USP2: variants seen among roughly 807,000 people sequenced by gnomAD.
USP2 encodes the protein ubiquitin specific peptidase 2.
In USP2, 33 loss-of-function variants were observed where a neutral mutation model predicts 72.0. The ratio of observed to expected loss-of-function variants is 0.46; its 90% CI spans 0.35 to 0.61. The LOEUF is 0.61. Among genes scored for constraint, USP2 ranks in the 20% least tolerant of loss-of-function variants. The probability of loss-of-function intolerance (pLI) is 0.01; values close to 1 mark genes in which losing one functional copy is unlikely to be tolerated. For missense variants in USP2, 691 were observed against 797.8 expected (o/e 0.87, Z 1.61); for synonymous variants, 296 against 312.5 (o/e 0.95, Z 0.56).
Position 119,357,588 on chromosome 11 carries a change from G to A in USP2, c.1504C>T (p.Leu502=). The A allele has an allele frequency of 1.2e-6, 2 of 1,614,172 alleles. No homozygotes were observed. The highest frequency in any genetic ancestry group is 2.2e-5 in the East Asian group (1 of 44,884). Residue 502 remains leucine, a splice_region_variant and synonymous_variant, in exon 11 of 13, where the codon CTG becomes TTG. Coordinates refer to ENST00000260187, the MANE Select transcript of USP2 (RefSeq NM_004205.5). ...ATCCTGGATTCTGAGAACCGCTTCA[G>A]ATCTGGCATTGACGTGAGTCAAGGA... is the stretch of plus-strand genomic sequence containing the variant. ...QRFPKILVLH[L]KRFSESRIRT...
chr11:119,373,520 G>T lies in USP2; in HGVS notation c.-40C>A, dbSNP rs763301215. On this transcript the variant is annotated splice_region_variant and 5_prime_UTR_variant, in exon 2 of 13. Transcript: ENST00000260187. ...CTCAGTGGGGACTGGGAGCCTCATGGGCTGAAAGACAAGGAGTGTAGTTGT... is the reference window on the plus strand; with the variant it reads ...CTCAGTGGGGACTGGGAGCCTCATGTGCTGAAAGACAAGGAGTGTAGTTGT... The T allele has an allele frequency of 6.5e-7, 1 of 1,530,368 alleles. No homozygotes were observed. The highest frequency in any genetic ancestry group is 2.3e-5 in the East Asian group (1 of 44,204). 94.8% of individuals were successfully genotyped at this position (1,530,368 alleles called of 1,614,324 possible).
intron 2 of USP2, chr11:119,364,160 G>C: frequency 8.3e-7 from 1 of 1,205,456 alleles, no homozygotes; most frequent in Non-Finnish European, 1.0e-6. Flanking sequence ...AACCTCCCCG[G>C]CGTGCGCCGC....
chr11:119,364,305 G>A, intron 2 of USP2: 1 of 524,044 alleles, frequency 1.9e-6, no homozygotes. Context: ...CGCCCCCGGC[G>A]CCGGCACGCG....
intron 2 of USP2, chr11:119,364,180 G>C: frequency 8.4e-7 from 1 of 1,186,848 alleles, no homozygotes; most frequent in African/African-American, 1.6e-5. Context: ...CCAACAGCCC[G>C]GGTCCCGGCT....
Position 119,372,857 on chromosome 11 carries a change from T to C in USP2, c.624A>G (p.Ala208=), listed in dbSNP as rs201145299. The change falls in exon 2 of 13, where the codon GCA becomes GCG. Residue 208 remains alanine (A), a synonymous_variant. Transcript: ENST00000260187. ...GAGGGGCCTGGGAGGGCACCTGAGA[T>C]GCACTGCCCTTGCGACCATAGTTCT... ...YLENYGRKGS[A]SQVPSQAPPS... is the part of the protein sequence containing the mutation. The C allele has an allele frequency of 2.5e-6, 4 of 1,607,502 alleles. No homozygotes were observed. The African/African-American group carries it at 4.0e-5, about 16-fold the overall frequency.
rs1271485661 is a variant in USP2, at chr11:119,373,435, G to A, written c.46C>T (p.Arg16Cys). ...STLKRYTESA[R>C]YTDAHYAKSG... Reference sequence around the variant, plus strand: ...TTGGCATAGTGGGCATCTGTGTAGCGGGCCGATTCTGTGTAGCGCTTCAGG... The same window carrying A: ...TTGGCATAGTGGGCATCTGTGTAGCAGGCCGATTCTGTGTAGCGCTTCAGG... The change falls in exon 2 of 13, where the codon CGC becomes TGC. Residue 16 changes from arginine to cysteine, a missense_variant. By Grantham distance (180) the Arg-to-Cys change is radical. Transcript: ENST00000260187. The A allele has an allele frequency of 1.7e-5, 28 of 1,600,970 alleles. No individual in the cohort carries two copies. The highest frequency in any genetic ancestry group is 9.9e-5 in the South Asian group (9 of 90,802).
At chr11:119,370,564 G>A (rs1282887965) in intron 2 of USP2, among the ~76,000 whole-genome samples, 2 of 151,752 alleles carry the variant, frequency 1.3e-5, no homozygotes, top group African/African-American at 2.4e-5. Flanking sequence ...GAGCAGGGTT[G>A]TTCTCACCTC....
intron 1 of USP2, among the ~76,000 whole-genome samples, chr11:119,376,011 C>T (rs1387031350): frequency 1.3e-5 from 2 of 152,232 alleles, no homozygotes; most frequent in African/African-American, 4.8e-5. Context: ...CTCCTCCTAG[C>T]AGCCCTGGGA....
In USP2 at chr11:119,360,123, T is replaced by G. The variant is rs376890352; in HGVS notation, c.825+61A>C. ...CAACCAGAAGGGGACTCTGGTTATA[T>G]GGCTCCAGTCAGCATAGTAGGGGGT... On this transcript the variant is annotated intron_variant, in intron 3 of 12. Transcript: ENST00000260187. 171 of 1,588,956 alleles carry G rather than the reference T, an allele frequency of 1.1e-4. No individual in the cohort carries two copies. The African/African-American group carries it at 2.1e-3, about 20-fold the overall frequency.
Position 119,360,832 on chromosome 11 carries a change from C to A in USP2, c.775-598G>T, listed in dbSNP as rs151018054. The stretch of plus-strand genomic sequence containing the variant: ...CCCCATCTTTATGTTATTCTCTATT[C>A]TCTGCTACAGTGGAGACTAGGAATT... On this transcript the variant is annotated intron_variant, in intron 2 of 12. Transcript: ENST00000260187. Among the ~76,000 whole-genome samples, 4 of 152,264 alleles carry A rather than the reference C, an allele frequency of 2.6e-5. No individual in the cohort carries two copies. In the East Asian group the frequency reaches 5.8e-4, roughly 22 times the overall value.
rs116650564 is a variant in USP2 at position 119,373,810 on chromosome 11, A to C, written c.-41-289T>G. Among the ~76,000 whole-genome samples the C allele has an allele frequency of 7.7e-3, 1,169 of 152,310 alleles. 11 individuals are homozygous for C. Among genetic ancestry groups the C allele is most frequent in the African/African-American group, 0.027 (1,114 of 41,558 alleles). On this transcript the variant is annotated intron_variant, in intron 1 of 12. Transcript: ENST00000260187. The stretch of plus-strand genomic sequence containing the variant: ...AGACTCAAACACGCAAGCAGGGGCT[A>C]TCTGACCTCCACAGCCCACCAAGCC...
At chr11:119,381,351 T>G in intron 1 of USP2, 122 bp downstream of exon 1, 1 of 1,098,920 alleles carries the variant, frequency 9.1e-7, no homozygotes. Context: ...CACAGCCGGC[T>G]CTCTCCCTAT....
At chr11:119,376,429 C>A (rs1308101030) in intron 1 of USP2, 12 of 984,982 alleles carry the variant, frequency 1.2e-5, no homozygotes, top group African/African-American at 1.7e-5. Flanking sequence ...ATCCCCCATA[C>A]CCCTCCCTGC....
chr11:119,357,865 G>A, intron 9 of USP2, 30 bp from the exon 10 acceptor site: 1 of 1,614,060 alleles, frequency 6.2e-7, no homozygotes, highest in Non-Finnish European at 8.5e-7. Flanking sequence ...GAAAGAACTT[G>A]TGGGGAAGTC....
At chr11:119,377,525 G>A (rs1365818560) in intron 1 of USP2, among the ~76,000 whole-genome samples, 2 of 152,180 alleles carry the variant, frequency 1.3e-5, no homozygotes, top group Non-Finnish European at 2.9e-5. Flanking sequence ...AATACTGATA[G>A]GCCGAGAGAT....
At chr11:119,378,518 T>A (rs1951027924) in intron 1 of USP2, among the ~76,000 whole-genome samples, 1 of 152,092 alleles carries the variant, frequency 6.6e-6, no homozygotes, top group Admixed American at 6.5e-5. Flanking sequence ...GGAATTTGGG[T>A]CCATTTCTCT....
chr11:119,379,853 G>A (rs973669231), intron 1 of USP2, among the ~76,000 whole-genome samples: 3 of 150,834 alleles, frequency 2.0e-5, no homozygotes, highest in Admixed American at 6.6e-5. Flanking sequence ...TAATAATAGC[G>A]CCTTACCAGG....
intron 2 of USP2, among the ~76,000 whole-genome samples, chr11:119,361,632 G>A (rs1462404513): frequency 2.0e-5 from 3 of 151,982 alleles, no homozygotes; most frequent in East Asian, 1.9e-4. Context: ...TGTGGGTGGG[G>A]GAGGAGCAGG....
At chr11:119,380,586 C>T (rs919659777) in intron 1 of USP2, among the ~76,000 whole-genome samples, 2 of 152,138 alleles carry the variant, frequency 1.3e-5, no homozygotes, top group East Asian at 1.9e-4. Flanking sequence ...TGGCTCTCCC[C>T]GAGGACTGGG....
Sources: allele counts gnomAD v4.1 joint callset (sites outside exome capture counted in the v4.1 genomes callset), GRCh38; gene constraint gnomAD v4.1.1; transcripts MANE v1.5; gene names NCBI Gene and HGNC (gene_info 2026-07-23, HGNC 2026-07-21).